Variants in GRIK2 observed in about 807,000 individuals in gnomAD.
GRIK2 encodes the protein glutamate receptor ionotropic, kainate 2.
GRIK2 carries 32 observed loss-of-function variants against 100.3 expected under a neutral mutation model. The observed-to-expected ratio is 0.32, with a 90% CI of 0.24 to 0.43. The LOEUF is 0.43. GRIK2 is among the 20% of genes least tolerant of loss of function. The pLI is 1.00. For synonymous variants in GRIK2, 417 were observed against 389.4 expected, an observed-to-expected ratio of 1.07 and a Z score of -0.83; for missense variants, 843 against 1,114.9, an observed-to-expected ratio of 0.76 and a Z score of 3.47.
intron 14 of GRIK2, among the ~76,000 whole-genome samples, chr6:101,954,265 A>G (rs1164988147): frequency 6.6e-6 from 1 of 152,178 alleles, no homozygotes; most frequent in African/African-American, 2.4e-5. Flanking sequence ...AATTTCTGCA[A>G]AAAGCCACAT....
chr6:101,886,876 A>AGTG (rs1749416586), intron 11 of GRIK2, among the ~76,000 whole-genome samples: 1 of 121,330 alleles, frequency 8.2e-6, no homozygotes, highest in Non-Finnish European at 1.6e-5. Flanking sequence ...GCCTGGCTGG[A>AGTG]GTGCAGTGTT....
chr6:101,450,602 C>T (rs1770620766), intron 2 of GRIK2, among the ~76,000 whole-genome samples: 1 of 151,588 alleles, frequency 6.6e-6, no homozygotes, highest in Admixed American at 6.6e-5. Flanking sequence ...TAACTGGTTC[C>T]CTTGAGTGTG....
At chr6:101,585,172 A>G (rs1778296348) in intron 2 of GRIK2, among the ~76,000 whole-genome samples, 1 of 152,074 alleles carries the variant, frequency 6.6e-6, no homozygotes, top group South Asian at 2.1e-4. Flanking sequence ...ATCAACATTA[A>G]TAAATTAGTA....
intron 2 of GRIK2, among the ~76,000 whole-genome samples, chr6:101,454,982 A>G (rs144528416): frequency 1.3e-5 from 2 of 152,154 alleles, no homozygotes; most frequent in East Asian, 3.8e-4. Flanking sequence ...GTTTTAAAAA[A>G]CATAATCCTG....
intron 7 of GRIK2, among the ~76,000 whole-genome samples, chr6:101,755,069 A>G (rs1236497014): frequency 1.3e-5 from 2 of 152,170 alleles, no homozygotes; most frequent in African/African-American, 2.4e-5. Flanking sequence ...AAAGCAAGGA[A>G]CAAGAAGAAA....
chr6:101,621,633 G>T (rs1276841072), intron 2 of GRIK2, among the ~76,000 whole-genome samples: 3 of 151,794 alleles, frequency 2.0e-5, no homozygotes, highest in African/African-American at 7.3e-5. Context: ...CTATACCTAG[G>T]CCCTAAAATA....
At chr6:101,884,026 T>C (rs996038158) in intron 11 of GRIK2, among the ~76,000 whole-genome samples, 5 of 152,046 alleles carry the variant, frequency 3.3e-5, no homozygotes, top group Admixed American at 3.3e-4. Flanking sequence ...AGGGGACCAG[T>C]TGGAGTCCAT....
At chr6:101,455,737 C>T (rs965965861) in intron 2 of GRIK2, among the ~76,000 whole-genome samples, 3 of 151,896 alleles carry the variant, frequency 2.0e-5, no homozygotes, top group African/African-American at 7.3e-5. Flanking sequence ...TGACATAAAA[C>T]CAGATTAATG....
intron 4 of GRIK2, among the ~76,000 whole-genome samples, chr6:101,658,997 T>A (rs1432832728): frequency 1.3e-5 from 2 of 152,228 alleles, no homozygotes; most frequent in East Asian, 3.8e-4. Flanking sequence ...CTGATTATAG[T>A]TTCTGTTTCT....
At chr6:101,800,915 G>T (rs1165971433) in intron 8 of GRIK2, among the ~76,000 whole-genome samples, 1 of 152,016 alleles carries the variant, frequency 6.6e-6, no homozygotes, top group Non-Finnish European at 1.5e-5. Flanking sequence ...ATTGTAGGGT[G>T]TAATTGAGAA....
At chr6:101,626,768 A>G (rs920419621) in intron 4 of GRIK2, 131 bp downstream of exon 4, 8 of 667,418 alleles carry the variant, frequency 1.2e-5, no homozygotes, top group Admixed American at 6.1e-5. Flanking sequence ...GGGTAGAAAG[A>G]CAGAATCAAA....
At chr6:102,046,202 G>A (rs898575398) in intron 15 of GRIK2, among the ~76,000 whole-genome samples, 3 of 151,898 alleles carry the variant, frequency 2.0e-5, no homozygotes, top group African/African-American at 7.3e-5. Flanking sequence ...AATATTAATG[G>A]ACTGAAAAAA....
chr6:101,823,945 G>A (rs896509063), intron 10 of GRIK2, among the ~76,000 whole-genome samples: 1 of 148,736 alleles, frequency 6.7e-6, no homozygotes, highest in South Asian at 2.1e-4. Context: ...TCTGCTCACT[G>A]CAACCTCCGC....
chr6:102,043,199 G>A (rs1002088085), intron 15 of GRIK2, among the ~76,000 whole-genome samples: 6 of 151,666 alleles, frequency 4.0e-5, no homozygotes, highest in East Asian at 3.9e-4. Flanking sequence ...TATTTATGAC[G>A]TAAAAGTGAC....
chr6:101,622,335 T>C (rs922783654), intron 3 of GRIK2, among the ~76,000 whole-genome samples: 1 of 152,126 alleles, frequency 6.6e-6, no homozygotes, highest in Non-Finnish European at 1.5e-5. Flanking sequence ...TTACATCTGT[T>C]AGTGAAATTT....
intron 2 of GRIK2, among the ~76,000 whole-genome samples, chr6:101,565,415 T>C (rs534143250): frequency 1.3e-5 from 2 of 152,228 alleles, no homozygotes; most frequent in African/African-American, 4.8e-5. Flanking sequence ...TTTTTCTACT[T>C]TGAAGAGTTT....
At chr6:101,856,405 T>C (rs905135183) in intron 10 of GRIK2, among the ~76,000 whole-genome samples, 3 of 152,216 alleles carry the variant, frequency 2.0e-5, no homozygotes, top group Non-Finnish European at 4.4e-5. Context: ...AAAATCATGC[T>C]GACAAGTGCT....
intron 10 of GRIK2, among the ~76,000 whole-genome samples, chr6:101,850,949 A>G (rs893408592): frequency 6.6e-6 from 1 of 152,106 alleles, no homozygotes; most frequent in African/African-American, 2.4e-5. Context: ...TGTGAAACAG[A>G]GAAAGAGAGC....
intron 2 of GRIK2, among the ~76,000 whole-genome samples, chr6:101,570,365 TAGTG>T (rs760192519): frequency 3.3e-5 from 5 of 152,098 alleles, no homozygotes; most frequent in Non-Finnish European, 7.4e-5. Flanking sequence ...AAGCAGCAGA[TAGTG>T]AGAGCAGTGT....
Sources: allele counts gnomAD v4.1 joint callset (sites outside exome capture counted in the v4.1 genomes callset), GRCh38; gene constraint gnomAD v4.1.1; transcripts MANE v1.5; gene names NCBI Gene and HGNC (gene_info 2026-07-23, HGNC 2026-07-21).